Variants in CYP4A22 observed in about 807,000 individuals in gnomAD.
CYP4A22 encodes the protein cytochrome P450 family 4 subfamily A member 22.
A neutral mutation model predicts 56.2 loss-of-function variants in CYP4A22; 46 were observed. The ratio of observed to expected loss-of-function variants is 0.82; its 90% CI spans 0.65 to 1.05. CYP4A22 has a LOEUF of 1.05. Ranked by LOEUF, CYP4A22 falls within the 50% of genes least tolerant of loss-of-function variation. CYP4A22 has a pLI of 0.00. For synonymous variants in CYP4A22, 193 were observed against 251.1 expected, an observed-to-expected ratio of 0.77 and a Z score of 2.19; for missense variants, 541 against 645.9, an observed-to-expected ratio of 0.84 and a Z score of 1.76.
chr1:47,146,440 A>T (rs1321432718), intron 11 of CYP4A22: 1 of 1,269,662 alleles, frequency 7.9e-7, no homozygotes, highest in Non-Finnish European at 1.0e-6. Context: ...TATTTTCCTC[A>T]CTTTAAGGAT....
At chr1:47,144,158 G>A (rs975537462) in intron 6 of CYP4A22, among the ~76,000 whole-genome samples, 199 bp from the exon 7 acceptor site, 1 of 152,198 alleles carries the variant, frequency 6.6e-6, no homozygotes, top group Non-Finnish European at 1.5e-5. Context: ...CATTCAAGAG[G>A]AGCCTCCATG....
chr1:47,148,927 T>A lies in CYP4A22; in HGVS notation c.*130T>A. The A allele has an allele frequency of 9.4e-7, 1 of 1,061,542 alleles. No homozygotes were observed. Among genetic ancestry groups the A allele is most frequent in the South Asian group, 1.9e-5 (1 of 52,200 alleles). 65.8% of individuals were successfully genotyped at this position (1,061,542 alleles called of 1,614,324 possible). ...CTGCTGTCCCCCAGTCTGCCTGCCC[T>A]TCTCTCTCTCACCTTTCTCCAAGCT... On this transcript the variant is annotated 3_prime_UTR_variant, in exon 12 of 12. Coordinates refer to ENST00000371891, the MANE Select transcript of CYP4A22 (RefSeq NM_001010969.4).
In CYP4A22 at chr1:47,149,217, G is replaced by A. The variant is rs149725375; in HGVS notation, c.*420G>A. The A allele has an allele frequency of 0.21, 33,140 of 159,716 alleles. 1,523 individuals are homozygous for A. Among genetic ancestry groups the A allele is most frequent in the East Asian group, 0.46 (2,390 of 5,206 alleles). 9.9% of individuals were successfully genotyped at this position (159,716 alleles called of 1,614,324 possible). Reference sequence around the variant, plus strand: ...GTGGCTTGGATAGAATCCAGGGCTCGTGGCTCTGGAATGTGTCTGGACTTG... The same window carrying A: ...GTGGCTTGGATAGAATCCAGGGCTCATGGCTCTGGAATGTGTCTGGACTTG... On this transcript the variant is annotated 3_prime_UTR_variant, in exon 12 of 12. Transcript: ENST00000371891.
At chr1:47,141,168 T>C (rs550097290) in intron 2 of CYP4A22, among the ~76,000 whole-genome samples, 113 of 152,346 alleles carry the variant, frequency 7.4e-4, no homozygotes, top group Non-Finnish European at 1.2e-3. Context: ...AAATTGAGGT[T>C]TTCTGAAACG....
At chr1:47,148,472 G>A (rs909204667) in intron 11 of CYP4A22, 130 bp from the exon 12 acceptor site, 5 of 1,302,570 alleles carry the variant, frequency 3.8e-6, no homozygotes, top group Admixed American at 2.5e-5. Context: ...GGCTGTAAGT[G>A]TGCAGGGGCT....
chr1:47,147,422 A>C, intron 11 of CYP4A22: 1 of 985,154 alleles, frequency 1.0e-6, no homozygotes, highest in Non-Finnish European at 1.2e-6. Context: ...CTCTGGGTCA[A>C]GTCCTATGCA....
At chr1:47,141,717 C>G (rs1645012056) in intron 3 of CYP4A22, 102 bp downstream of exon 3, 2 of 1,436,904 alleles carry the variant, frequency 1.4e-6, no homozygotes, top group Admixed American at 4.0e-5. Flanking sequence ...CTATCATGAC[C>G]TCATCCCCAA....
At chr1:47,146,455 A>G (rs1645077484) in intron 11 of CYP4A22, 2 of 1,210,832 alleles carry the variant, frequency 1.7e-6, no homozygotes, top group African/African-American at 1.5e-5. Context: ...AAGGATATGA[A>G]TTCTCAAAAT....
intron 2 of CYP4A22, among the ~76,000 whole-genome samples, chr1:47,141,219 T>C (rs1377732928): frequency 6.6e-6 from 1 of 152,260 alleles, no homozygotes; most frequent in Non-Finnish European, 1.5e-5. Flanking sequence ...CATACCCACA[T>C]TGACTTGGGT....
intron 1 of CYP4A22, 77 bp downstream of exon 1, chr1:47,137,757 A>G: frequency 6.6e-7 from 1 of 1,516,816 alleles, no homozygotes; most frequent in Non-Finnish European, 8.8e-7. Context: ...AAATCCATAG[A>G]GCAAAGCCTT....
chr1:47,140,971 A>G (rs1645002562), intron 2 of CYP4A22, 50 bp downstream of exon 2: 1 of 1,607,638 alleles, frequency 6.2e-7, no homozygotes, highest in Non-Finnish European at 8.5e-7. Context: ...CTCTTGACAC[A>G]TGCCCCTGGG....
chr1:47,143,329 T>G lies in CYP4A22; in HGVS notation c.571T>G (p.Leu191Val), dbSNP rs1475274017. The G allele has an allele frequency of 1.2e-6, 2 of 1,613,938 alleles. No homozygotes were observed. The highest frequency in any genetic ancestry group is 1.7e-5 in the Admixed American group (1 of 60,012). Residue 191 changes from leucine to valine, a missense_variant, in exon 5 of 12, where the codon TTG becomes GTG. By Grantham distance (32) the Leu-to-Val change is conservative. Transcript: ENST00000371891. ...SPLEVFQHVS[L>V]MTLDTIMKSA... ...TCTGGAGGTCTTTCAGCACGTCTCC[T>G]TGATGACCCTGGACACCATCATGAA...
At position 47,140,934 on chromosome 1, in the gene CYP4A22, C is replaced by T; in HGVS notation, c.337+13C>T. On this transcript the variant is annotated intron_variant, in intron 2 of 11. Transcript: ENST00000371891. ...CTGGGGAGATCAGGTGAGATCGAAC[C>T]CCCATCCCAACTGCAATTTCTCTTC... is the stretch of plus-strand genomic sequence containing the variant. The T allele has an allele frequency of 6.2e-7, 1 of 1,613,054 alleles. No homozygotes were observed. Among genetic ancestry groups the T allele is most frequent in the Non-Finnish European group, 8.5e-7 (1 of 1,179,610 alleles).
chr1:47,145,226 GTGCAGGGC>G (rs1353131614), intron 9 of CYP4A22, among the ~76,000 whole-genome samples: 1 of 152,216 alleles, frequency 6.6e-6, no homozygotes, highest in Non-Finnish European at 1.5e-5. Flanking sequence ...TCCTTGAGAT[GTGCAGGGC>G]TGGAAAGAGA....
Position 47,141,559 on chromosome 1 carries a change from C to G in CYP4A22, c.338-12C>G. On this transcript the variant is annotated splice_polypyrimidine_tract_variant and intron_variant, in intron 2 of 11. Transcript: ENST00000371891. Reference sequence around the variant, plus strand: ...CTCCTAGTTTCCTATAAAGCCCTTTCTTACTTTTCAGACCCGAAATCCCAT... The same window carrying G: ...CTCCTAGTTTCCTATAAAGCCCTTTGTTACTTTTCAGACCCGAAATCCCAT... The G allele has an allele frequency of 6.2e-7, 1 of 1,613,484 alleles. No homozygotes were observed. The highest frequency in any genetic ancestry group is 8.5e-7 in the Non-Finnish European group (1 of 1,179,602).
chr1:47,137,522 G>A lies in CYP4A22; in HGVS notation c.37G>A (p.Gly13Ser), dbSNP rs1644955130. 1 of 1,614,072 alleles carries A rather than the reference G, an allele frequency of 6.2e-7. No individual in the cohort carries two copies. The highest frequency in any genetic ancestry group is 8.5e-7 in the Non-Finnish European group (1 of 1,179,944). Residue 13 changes from glycine (G) to serine (S), a missense_variant, in exon 1 of 12, where the codon GGT becomes AGT. By Grantham distance (56) the Gly-to-Ser change is moderately conservative. This residue lies in a region of CYP4A22 where 335 missense variants were observed against 361.2 expected (regional missense o/e 0.93). Coordinates refer to ENST00000371891, the MANE Select transcript of CYP4A22 (RefSeq NM_001010969.4). The stretch of plus-strand genomic sequence containing the variant: ...TGTCCTGAGCCCCAGCAGACGCCTG[G>A]GTGGTGTCTCCGGGATCCTCCAAGT... ...VSVLSPSRRL[G>S]GVSGILQVTS...
At chr1:47,146,347 T>A in intron 11 of CYP4A22, 194 bp downstream of exon 11, 2 of 1,457,166 alleles carry the variant, frequency 1.4e-6, no homozygotes, top group South Asian at 2.9e-5. Flanking sequence ...GAGCACCCCA[T>A]GGAGACTTTG....
chr1:47,145,018 T>G (rs757471011), intron 9 of CYP4A22, 48 bp downstream of exon 9: 1 of 1,606,630 alleles, frequency 6.2e-7, no homozygotes, highest in Admixed American at 1.7e-5. Context: ...CGGGGACGTG[T>G]GGAGGGTGAG....
intron 11 of CYP4A22, chr1:47,147,235 G>T: frequency 1.6e-5 from 16 of 985,458 alleles, no homozygotes; most frequent in Non-Finnish European, 1.8e-5. Context: ...GCATGAGGAA[G>T]TCCTTGTAAA....
Sources: gnomAD v4.1 joint callset for allele counts (sites outside exome capture counted in the v4.1 genomes callset) on GRCh38, gnomAD v4.1.1 for gene constraint, gnomAD v4.1.1 regional missense constraint, MANE v1.5 for transcripts, NCBI Gene and HGNC (gene_info 2026-07-23, HGNC 2026-07-21) for gene names.